The following PDZRN3 variants were observed in gnomAD, a reference collection of about 807,000 sequenced individuals.
PDZRN3 encodes the protein E3 ubiquitin-protein ligase PDZRN3.
PDZRN3 carries 38 observed loss-of-function variants against 85.7 expected under a neutral mutation model. The ratio of observed to expected loss-of-function variants is 0.44; its 90% CI spans 0.34 to 0.58. The LOEUF is 0.58. PDZRN3 is among the 20% of genes least tolerant of loss of function. The pLI, the probability that PDZRN3 is intolerant of heterozygous loss-of-function variation, is 0.01. For missense variants in PDZRN3, 1,629 were observed against 1,506.4 expected (o/e 1.08, Z -1.35); for synonymous variants, 759 against 638.0 (o/e 1.19, Z -2.86).
intron 3 of PDZRN3, among the ~76,000 whole-genome samples, chr3:73,572,275 C>T (rs545140231): frequency 6.6e-6 from 1 of 152,288 alleles, no homozygotes; most frequent in East Asian, 1.9e-4. Flanking sequence ...ATCTCTTCTC[C>T]CTCTTTCAGA....
chr3:73,508,459 C>T (rs1397379825), intron 3 of PDZRN3, among the ~76,000 whole-genome samples: 8 of 152,160 alleles, frequency 5.3e-5, no homozygotes, highest in Non-Finnish European at 4.4e-5. Flanking sequence ...ATCGTGATGG[C>T]CAATTTCACC....
intron 3 of PDZRN3, among the ~76,000 whole-genome samples, chr3:73,526,114 T>C (rs1704518278): frequency 6.6e-6 from 1 of 152,194 alleles, no homozygotes; most frequent in Non-Finnish European, 1.5e-5. Context: ...CTTAAGTAGA[T>C]GTAGGGTTAA....
chr3:73,391,658 T>C (rs1701530544), intron 5 of PDZRN3, among the ~76,000 whole-genome samples: 1 of 152,228 alleles, frequency 6.6e-6, no homozygotes, highest in African/African-American at 2.4e-5. Flanking sequence ...GAGAAATTAG[T>C]TTCAGCCGCT....
intron 5 of PDZRN3, among the ~76,000 whole-genome samples, chr3:73,399,555 C>A (rs1701709155): frequency 6.6e-6 from 1 of 152,176 alleles, no homozygotes; most frequent in Admixed American, 6.5e-5. Context: ...AATTAAGGAA[C>A]AAGTGTCCTG....
Position 73,478,284 on chromosome 3 carries a change from C to T in PDZRN3, c.919-73889G>A, listed in dbSNP as rs1376473256. The stretch of plus-strand genomic sequence containing the variant: ...CTTCATCTATATTTACAGCTGCTCC[C>T]CATCACTTGCATCACCACCTAAGCT... On this transcript the variant is annotated intron_variant, in intron 3 of 9. Transcript: ENST00000263666. 2.0e-5 allele frequency among the ~76,000 whole-genome samples: 3 copies of T among 152,082 alleles called. No individual in the cohort carries two copies. The East Asian group carries it at 5.8e-4, about 29-fold the overall frequency.
At chr3:73,418,035 T>C (rs1575638695) in intron 3 of PDZRN3, among the ~76,000 whole-genome samples, 1 of 152,218 alleles carries the variant, frequency 6.6e-6, no homozygotes, top group Non-Finnish European at 1.5e-5. Context: ...CAAAGATTTA[T>C]AAATGTGATT....
chr3:73,577,052 C>G (rs1346291702), intron 3 of PDZRN3, among the ~76,000 whole-genome samples: 2 of 152,130 alleles, frequency 1.3e-5, no homozygotes, highest in African/African-American at 2.4e-5. Context: ...TAATACTTTT[C>G]TAAATGGAGT....
chr3:73,411,636 A>G (rs1411085218), intron 3 of PDZRN3, among the ~76,000 whole-genome samples: 1 of 148,930 alleles, frequency 6.7e-6, no homozygotes. Context: ...TCTGGCCTCC[A>G]GACTCCTGCA....
intron 3 of PDZRN3, chr3:73,433,767 C>T: frequency 6.5e-7 from 1 of 1,533,942 alleles, no homozygotes; most frequent in Non-Finnish European, 8.7e-7. Context: ...AAAGCAGCTC[C>T]CTTACAGTGC....
intron 3 of PDZRN3, among the ~76,000 whole-genome samples, chr3:73,431,881 G>T (rs555779794): frequency 6.6e-6 from 1 of 151,934 alleles, no homozygotes; most frequent in African/African-American, 2.4e-5. Flanking sequence ...GGGCTGGGGG[G>T]ACTGAGCACA....
chr3:73,542,846 T>C (rs1701314379), intron 3 of PDZRN3, among the ~76,000 whole-genome samples: 1 of 152,154 alleles, frequency 6.6e-6, no homozygotes. Context: ...GAGACACACA[T>C]ATATACATTA....
chr3:73,542,586 C>A (rs2106785046), intron 3 of PDZRN3, among the ~76,000 whole-genome samples: 1 of 152,102 alleles, frequency 6.6e-6, no homozygotes, highest in Non-Finnish European at 1.5e-5. Context: ...CCAGCCTGGC[C>A]AACATGGTGA....
intron 3 of PDZRN3, among the ~76,000 whole-genome samples, chr3:73,597,699 G>C (rs1217704385): frequency 6.7e-6 from 1 of 150,008 alleles, no homozygotes; most frequent in East Asian, 2.0e-4. Context: ...AATTTCAGTG[G>C]AGTTGCATCA....
chr3:73,458,834 A>G (rs1703041367), intron 3 of PDZRN3, among the ~76,000 whole-genome samples: 1 of 151,712 alleles, frequency 6.6e-6, no homozygotes, highest in Non-Finnish European at 1.5e-5. Flanking sequence ...TACTAAAAAT[A>G]TAACAAAATT....
chr3:73,530,402 G>A (rs61434699), intron 3 of PDZRN3, among the ~76,000 whole-genome samples: 2 of 152,178 alleles, frequency 1.3e-5, no homozygotes, highest in East Asian at 3.8e-4. Flanking sequence ...CATTAGTTGA[G>A]AACTTAACAT....
At chr3:73,443,217 A>AC (rs1370204164) in intron 3 of PDZRN3, among the ~76,000 whole-genome samples, 24 of 151,706 alleles carry the variant, frequency 1.6e-4, no homozygotes, top group African/African-American at 4.1e-4. Flanking sequence ...AACACACAAA[A>AC]CCCCCCCTAC....
At chr3:73,576,224 A>C (rs947266737) in intron 3 of PDZRN3, among the ~76,000 whole-genome samples, 1 of 152,198 alleles carries the variant, frequency 6.6e-6, no homozygotes, top group Non-Finnish European at 1.5e-5. Flanking sequence ...TCCAGTGTTA[A>C]GGATGGGAGA....
intron 3 of PDZRN3, among the ~76,000 whole-genome samples, chr3:73,440,611 T>C (rs1322936371): frequency 9.2e-5 from 14 of 152,164 alleles, no homozygotes; most frequent in East Asian, 1.9e-4. Flanking sequence ...TTTCCCCAAC[T>C]AGATTGGAAA....
chr3:73,422,565 C>T (rs1183773717), intron 3 of PDZRN3, among the ~76,000 whole-genome samples: 1 of 152,164 alleles, frequency 6.6e-6, no homozygotes, highest in Admixed American at 6.5e-5. Context: ...AAATACAACA[C>T]TGGAACTGTG....
Sources: gnomAD v4.1 joint callset for allele counts (sites outside exome capture counted in the v4.1 genomes callset) on GRCh38, gnomAD v4.1.1 for gene constraint, MANE v1.5 for transcripts, NCBI Gene and HGNC (gene_info 2026-07-23, HGNC 2026-07-21) for gene names.